PROX2: variants seen among roughly 807,000 people sequenced by gnomAD.
The protein encoded by PROX2 is prospero homeobox 2.
In PROX2, 46 loss-of-function variants were observed where a neutral mutation model predicts 48.9. The ratio of observed to expected loss-of-function variants is 0.94; its 90% CI spans 0.74 to 1.20. The LOEUF (loss-of-function observed/expected upper bound fraction) is 1.20, where lower values mean the gene tolerates loss of function less well. Among genes scored for constraint, PROX2 ranks in the 50% most tolerant of loss-of-function variants. The probability of loss-of-function intolerance (pLI) is 0.00; values close to 1 mark genes in which losing one functional copy is unlikely to be tolerated. For synonymous variants in PROX2, 260 were observed against 276.6 expected (o/e 0.94, Z 0.60); for missense variants, 663 against 719.4 (o/e 0.92, Z 0.90).
rs2091822678 is a variant in PROX2, at chr14:74,863,885, C to T, written c.-51G>A. ...GAATTCCTCCTCCTTATTTCCTCAGCTGGAAGTGCACCCAGAATGCGCTGG... is the reference window on the plus strand; with the variant it reads ...GAATTCCTCCTCCTTATTTCCTCAGTTGGAAGTGCACCCAGAATGCGCTGG... On this transcript the variant is annotated 5_prime_UTR_variant, in exon 3 of 6. Coordinates refer to ENST00000556489, the MANE Select transcript of PROX2 (RefSeq NM_001243007.2). 9.7e-6 allele frequency: 14 copies of T among 1,440,496 alleles called. No individual in the cohort carries two copies. In the South Asian group the frequency reaches 1.7e-4, roughly 17 times the overall value. The allele number at this position is 1,440,496 out of a possible 1,614,324, so 89.2% of individuals were successfully genotyped here. A position where few individuals can be genotyped will look rare whatever the true frequency, so the allele number is the denominator to read the frequency against.
intron 3 of PROX2, among the ~76,000 whole-genome samples, chr14:74,859,881 G>C (rs755698179): frequency 6.6e-6 from 1 of 152,206 alleles, no homozygotes; most frequent in Non-Finnish European, 1.5e-5. Flanking sequence ...ATCCTGGATT[G>C]GGATTCCAAA....
chr14:74,855,371 C>A, intron 5 of PROX2, 69 bp from the exon 6 acceptor site: 1 of 1,314,520 alleles, frequency 7.6e-7, no homozygotes, highest in East Asian at 2.5e-5. Flanking sequence ...CCAGAGCCCT[C>A]ACTAGCGGGT....
rs368426600 is a variant in PROX2, at chr14:74,863,401, T to G, written c.434A>C (p.His145Pro). The G allele has an allele frequency of 2.0e-5, 33 of 1,613,562 alleles. No individual in the cohort carries two copies. Among genetic ancestry groups the G allele is most frequent in the Non-Finnish European group, 2.8e-5 (33 of 1,179,700 alleles). ...QLHLLKQQLR[H>P]LQEHILQAAK... ...AGCCTGTAGGATGTGCTCTTGCAGA[T>G]GTCTTAGCTGTTGCTTCAGCAGATG... The change falls in exon 3 of 6, where the codon CAT becomes CCT. Residue 145 changes from histidine to proline, a missense_variant. His to Pro is a moderately conservative substitution (Grantham distance 77, BLOSUM62 -2). Coordinates refer to ENST00000556489, the MANE Select transcript of PROX2 (RefSeq NM_001243007.2).
At chr14:74,870,439 A>ATAC (rs1555371979) in intron 2 of PROX2, among the ~76,000 whole-genome samples, 4 of 29,950 alleles carry the variant, frequency 1.3e-4, no homozygotes, top group South Asian at 2.8e-3. Context: ...AAAAAAAAAA[A>ATAC]ATACACACAC....
chr14:74,868,354 TATATATA>T (rs1429603596), intron 2 of PROX2, among the ~76,000 whole-genome samples: 47 of 104,892 alleles, frequency 4.5e-4, no homozygotes, highest in African/African-American at 1.6e-3. Flanking sequence ...TATATATATA[TATATATA>T]AACAAAAATG....
chr14:74,854,440 G>T lies in PROX2; in HGVS notation c.*692C>A. The T allele has an allele frequency of 3.7e-6, 1 of 270,082 alleles. No individual in the cohort carries two copies. Among genetic ancestry groups the T allele is most frequent in the Non-Finnish European group, 7.5e-6 (1 of 134,102 alleles). 16.7% of individuals were successfully genotyped at this position (270,082 alleles called of 1,614,324 possible). ...GGGTCCTGCTTGAGATCCTGAGTTA[G>T]CTGCAGGAGATGGGTCCAGCATGCA... On this transcript the variant is annotated 3_prime_UTR_variant, in exon 6 of 6. Coordinates refer to ENST00000556489, the MANE Select transcript of PROX2 (RefSeq NM_001243007.2).
intron 1 of PROX2, chr14:74,873,751 A>G: frequency 2.1e-6 from 1 of 473,116 alleles, no homozygotes. Context: ...GAAAAGGCCA[A>G]GCTACTTCTA....
At chr14:74,857,061 G>C (rs1007964864) in intron 4 of PROX2, 66 bp from the exon 5 acceptor site, 20 of 1,385,872 alleles carry the variant, frequency 1.4e-5, no homozygotes, top group Middle Eastern at 1.8e-4. Context: ...AGAACTGTCT[G>C]CTTCCAGCTC....
In PROX2 at chr14:74,853,074, A is replaced by C. The variant is rs1490609511; in HGVS notation, c.*2058T>G. ...TTATACATTCTTCTGTGTTTAGCTCAGTGGTTAGAGAACACTTCCTGGAAA... is the reference window on the plus strand; with the variant it reads ...TTATACATTCTTCTGTGTTTAGCTCCGTGGTTAGAGAACACTTCCTGGAAA... On this transcript the variant is annotated 3_prime_UTR_variant, in exon 6 of 6. Coordinates refer to ENST00000556489, the MANE Select transcript of PROX2 (RefSeq NM_001243007.2). 6.6e-6 allele frequency: 1 copy of C among 152,204 alleles called. No individual in the cohort carries two copies. The highest frequency in any genetic ancestry group is 1.5e-5 in the Non-Finnish European group (1 of 68,046). The allele number at this position is 152,204 out of a possible 1,614,324, so 9.4% of individuals were successfully genotyped here. A position where few individuals can be genotyped will look rare whatever the true frequency, so the allele number is the denominator to read the frequency against.
At position 74,856,933 on chromosome 14, in the gene PROX2, G is replaced by A. The variant is rs1160804700; in HGVS notation, c.1476C>T (p.Tyr492=). The A allele has an allele frequency of 6.2e-7, 1 of 1,613,892 alleles. No individual in the cohort carries two copies. The highest frequency in any genetic ancestry group is 8.5e-7 in the Non-Finnish European group (1 of 1,179,884). ...KWFSNFREFY[Y]IQMEKSARQA... ...GCCGGGCAGATTTTTCCATTTGGAT[G>A]TAATAAAACTCACGAAAGTTGCTGA... The change falls in exon 5 of 6, where the codon TAC becomes TAT. Residue 492 remains tyrosine (Y), a synonymous_variant. Transcript: ENST00000556489.
chr14:74,856,864 AACC>A lies in PROX2; in HGVS notation c.1542_1544del (p.Val515del), dbSNP rs1336540265. On this transcript the variant is annotated inframe_deletion, in exon 5 of 6. Transcript: ENST00000556489. The stretch of plus-strand genomic sequence containing the variant: ...CTTGAAAAAGTTCTGAATTGCGGAG[AACC>A]ACCAGCATTTTGGGATTTGTGACAC... The A allele has an allele frequency of 6.2e-7, 1 of 1,613,878 alleles. No individual in the cohort carries two copies. Among genetic ancestry groups the A allele is most frequent in the East Asian group, 2.2e-5 (1 of 44,896 alleles).
chr14:74,858,751 A>T, intron 3 of PROX2: 1 of 449,274 alleles, frequency 2.2e-6, no homozygotes, highest in South Asian at 2.5e-5. Context: ...TGTAGCATAG[A>T]TGATGTCAAA....
At chr14:74,875,082 G>T (rs998465422) in intron 1 of PROX2, among the ~76,000 whole-genome samples, 1 of 152,022 alleles carries the variant, frequency 6.6e-6, no homozygotes, top group African/African-American at 2.4e-5. Context: ...GGAGGTGGAG[G>T]TTGCAGTGAG....
At chr14:74,869,983 A>C (rs1883170198) in intron 2 of PROX2, among the ~76,000 whole-genome samples, 1 of 152,234 alleles carries the variant, frequency 6.6e-6, no homozygotes, top group Non-Finnish European at 1.5e-5. Context: ...ATTATTAATA[A>C]GAGTAGGCAC....
intron 1 of PROX2, among the ~76,000 whole-genome samples, chr14:74,875,552 C>G (rs1883322546): frequency 6.6e-6 from 1 of 152,222 alleles, no homozygotes; most frequent in Non-Finnish European, 1.5e-5. Flanking sequence ...TGCGTTTCAG[C>G]TTTTATAAAA....
chr14:74,868,965 C>G (rs1312302954), intron 2 of PROX2, among the ~76,000 whole-genome samples: 1 of 152,130 alleles, frequency 6.6e-6, no homozygotes, highest in Non-Finnish European at 1.5e-5. Flanking sequence ...GTTTTCTCAT[C>G]AGTAAAATGG....
chr14:74,873,604 T>C (rs1883268976), intron 1 of PROX2: 1 of 260,650 alleles, frequency 3.8e-6, no homozygotes, highest in Non-Finnish European at 7.6e-6. Context: ...AGAGGTCTTC[T>C]GGCCCCGGCC....
intron 3 of PROX2, chr14:74,858,764 C>T: frequency 5.3e-6 from 2 of 379,022 alleles, no homozygotes; most frequent in South Asian, 2.9e-5. Context: ...ATGTCAAATA[C>T]AGGTTGGTGT....
chr14:74,870,915 A>G (rs980417846), intron 2 of PROX2, among the ~76,000 whole-genome samples, 188 bp downstream of exon 2: 1 of 152,076 alleles, frequency 6.6e-6, no homozygotes, highest in East Asian at 1.9e-4. Context: ...GGTGGCATGC[A>G]TCTGTAATCC....
Sources: gnomAD v4.1 joint callset for allele counts (sites outside exome capture counted in the v4.1 genomes callset) on GRCh38, gnomAD v4.1.1 for gene constraint, MANE v1.5 for transcripts, NCBI Gene and HGNC (gene_info 2026-07-23, HGNC 2026-07-21) for gene names.